Variants in PLIN4 observed in about 807,000 individuals in gnomAD.
The protein encoded by PLIN4 is perilipin-4.
PLIN4 carries 57 observed loss-of-function variants against 52.4 expected under a neutral mutation model. The ratio of observed to expected loss-of-function variants is 1.09; its 90% CI spans 0.88 to 1.36. The LOEUF (loss-of-function observed/expected upper bound fraction) is 1.36, where lower values mean the gene tolerates loss of function less well. Ranked by LOEUF, PLIN4 falls within the 40% of genes most tolerant of loss-of-function variation. The probability of loss-of-function intolerance (pLI) is 0.00; values close to 1 mark genes in which losing one functional copy is unlikely to be tolerated. For synonymous variants in PLIN4, 826 were observed against 785.4 expected (o/e 1.05, Z -0.86); for missense variants, 1,757 against 1,770.3 (o/e 0.99, Z 0.13).
chr19:4,513,834 A>C, intron 4 of PLIN4, 133 bp from the exon 5 acceptor site: 1 of 1,168,434 alleles, frequency 8.6e-7, no homozygotes, highest in Non-Finnish European at 1.2e-6. Flanking sequence ...ACCTCCTCAA[A>C]AAGCAAGCTG....
At chr19:4,509,014 A>T in intron 5 of PLIN4, 59 bp from the exon 6 acceptor site, 1 of 1,517,248 alleles carries the variant, frequency 6.6e-7, no homozygotes, top group Non-Finnish European at 8.8e-7. Context: ...AGGGCTTTAT[A>T]AAAGTCAAGT....
At position 4,504,879 on chromosome 19, in the gene PLIN4, C is replaced by T; in HGVS notation, c.3771G>A (p.Glu1257=). 1 of 1,607,178 alleles carries T rather than the reference C, an allele frequency of 6.2e-7. No individual in the cohort carries two copies. The highest frequency in any genetic ancestry group is 8.5e-7 in the Non-Finnish European group (1 of 1,177,530). The change falls in exon 7 of 8, where the codon GAG becomes GAA. Residue 1257 remains glutamate (E), a synonymous_variant. Transcript: ENST00000301286. ...GACCCACCTCCTGGACAGCAGCGTC[C>T]TCCGCACTGGCACCTGAGCCCTGGT... ...RLDQGSGASA[E]DAAVQEERDA...
chr19:4,512,149 C>G lies in PLIN4; in HGVS notation c.1811G>C (p.Gly604Ala). 6.2e-7 allele frequency: 1 copy of G among 1,609,686 alleles called. No individual in the cohort carries two copies. Among genetic ancestry groups the G allele is most frequent in the Non-Finnish European group, 8.5e-7 (1 of 1,179,028 alleles). Residue 604 changes from glycine to alanine, a missense_variant, in exon 5 of 8, where the codon GGG (glycine) becomes GCG (alanine). Gly to Ala is a moderately conservative substitution (Grantham distance 60, BLOSUM62 0). Transcript: ENST00000301286. ...GGCGACATTCACTGCCCCCACGAGCCCAGTAGTCACTGTGTCCTTGGTGCC... is the reference window on the plus strand; with the variant it reads ...GGCGACATTCACTGCCCCCACGAGCGCAGTAGTCACTGTGTCCTTGGTGCC... ...LTGTKDTVTT[G>A]LVGAVNVAKG...
chr19:4,510,701 C>A lies in PLIN4; in HGVS notation c.3259G>T (p.Ala1087Ser). ...GEQTALSPQEAPFSGISTPPD... is the reference protein window; with the variant it reads ...GEQTALSPQESPFSGISTPPD... ...GGCGTGGAGATGCCAGAGAACGGGGCCTCTTGGGGGCTCAGGGCAGTCTGC... is the reference window on the plus strand; with the variant it reads ...GGCGTGGAGATGCCAGAGAACGGGGACTCTTGGGGGCTCAGGGCAGTCTGC... Residue 1087 changes from alanine (A) to serine (S), a missense_variant, in exon 5 of 8, where the codon GCC becomes TCC. Ala to Ser is a moderately conservative substitution (Grantham distance 99, BLOSUM62 1). Transcript: ENST00000301286. The A allele has an allele frequency of 6.6e-7, 1 of 1,524,766 alleles. No individual in the cohort carries two copies. Among genetic ancestry groups the A allele is most frequent in the Admixed American group, 2.1e-5 (1 of 46,770 alleles). 94.5% of individuals were successfully genotyped at this position (1,524,766 alleles called of 1,614,324 possible). A position where few individuals can be genotyped will look rare whatever the true frequency, so the allele number is the denominator to read the frequency against.
Position 4,512,233 on chromosome 19 carries a change from G to T in PLIN4, c.1727C>A (p.Ala576Glu). 1 of 1,611,488 alleles carries T rather than the reference G, an allele frequency of 6.2e-7. No homozygotes were observed. The highest frequency in any genetic ancestry group is 8.5e-7 in the Non-Finnish European group (1 of 1,179,428). The change falls in exon 5 of 8, where the codon GCG becomes GAG. Residue 576 changes from alanine to glutamate, a missense_variant. Transcript: ENST00000301286. ...CTGGACAGCCCCCTTGGCCACATTCGCTGCCCCCGTGAGCCCAGTGGACAT... is the reference window on the plus strand; with the variant it reads ...CTGGACAGCCCCCTTGGCCACATTCTCTGCCCCCGTGAGCCCAGTGGACAT... ...DTMSTGLTGAANVAKGAVQTG... is the reference protein window; with the variant it reads ...DTMSTGLTGAENVAKGAVQTG...
chr19:4,508,752 AG>A lies in PLIN4; in HGVS notation c.3702+15del. On this transcript the variant is annotated intron_variant, in intron 6 of 7. Coordinates refer to ENST00000301286, the MANE Select transcript of PLIN4 (RefSeq NM_001367868.2). ...AGTGCCCTGGGGACGGGGCAGCAGCAGGGGGAAGCTCTTACCAGCCTGAAGC... is the reference window on the plus strand; with the variant it reads ...AGTGCCCTGGGGACGGGGCAGCAGCAGGGGAAGCTCTTACCAGCCTGAAGC... 6.4e-7 allele frequency: 1 copy of A among 1,563,508 alleles called. No individual in the cohort carries two copies. The highest frequency in any genetic ancestry group is 8.7e-7 in the Non-Finnish European group (1 of 1,154,484).
Position 4,504,239 on chromosome 19 carries a change from G to T in PLIN4, c.*220C>A. 2.0e-6 allele frequency: 1 copy of T among 489,284 alleles called. No homozygotes were observed. Among genetic ancestry groups the T allele is most frequent in the South Asian group, 4.2e-5 (1 of 23,718 alleles). The allele number at this position is 489,284 out of a possible 1,614,324, so 30.3% of individuals were successfully genotyped here. ...TCCGAGAGGGGCAGGCAGCGCTGGG[G>T]AGGAGGTGGGAGATGCAGGCAGGCC... On this transcript the variant is annotated 3_prime_UTR_variant, in exon 8 of 8. Coordinates refer to ENST00000301286, the MANE Select transcript of PLIN4 (RefSeq NM_001367868.2).
rs73540169 is a variant in PLIN4, at chr19:4,510,926, C to T, written c.3034G>A (p.Val1012Ile). 8,838 of 1,613,578 alleles carry T rather than the reference C, an allele frequency of 5.5e-3. 345 individuals carry two copies. The African/African-American group carries it at 0.096, about 18-fold the overall frequency. Residue 1012 changes from valine to isoleucine, a missense_variant, in exon 5 of 8, where the codon GTC becomes ATC. Val to Ile is a conservative substitution (Grantham distance 29). This residue lies in a region of PLIN4 where 712 missense variants were observed against 637.1 expected (regional missense o/e 1.12). Coordinates refer to ENST00000301286, the MANE Select transcript of PLIN4 (RefSeq NM_001367868.2). Reference protein sequence around the residue: ...TGAMSMAKGAVQGGLDTTKTV... With the variant: ...TGAMSMAKGAIQGGLDTTKTV... ...TTGGTGGTGTCCAGGCCCCCCTGGA[C>T]GGCCCCTTTGGCCATGCTCATGGCA...
rs199719876 is a variant in PLIN4, at chr19:4,513,636, G to A, written c.324C>T (p.Ser108=). 198 of 1,608,934 alleles carry A rather than the reference G, an allele frequency of 1.2e-4. 2 individuals are homozygous for A. The highest frequency in any genetic ancestry group is 5.0e-4 in the Middle Eastern group (3 of 6,040). Residue 108 remains serine (S), a synonymous_variant, in exon 5 of 8, where the codon TCC becomes TCT. Transcript: ENST00000301286. ...KMSRAKDAVS[S]GVASVVDVAK... ...CCACGTCCACCACGCTGGCCACCCC[G>A]GAGGACACGGCATCCTTGGCCCTGG...
Position 4,502,477 on chromosome 19 carries a change from A to G in PLIN4, c.*1982T>C. 3.5e-6 allele frequency: 1 copy of G among 285,076 alleles called. No individual in the cohort carries two copies. Among genetic ancestry groups the G allele is most frequent in the Non-Finnish European group, 6.7e-6 (1 of 149,958 alleles). 17.7% of individuals were successfully genotyped at this position (285,076 alleles called of 1,614,324 possible). On this transcript the variant is annotated 3_prime_UTR_variant, in exon 8 of 8. Transcript: ENST00000301286. ...GCCTGCGCCCTGCCCCGCACCCACG[A>G]GGCTGGGGGGTTTGATGCTTCCTGC...
At position 4,508,869 on chromosome 19, in the gene PLIN4, TG is replaced by T. The variant is rs1396159716; in HGVS notation, c.3600del (p.Ser1201AlafsTer11). 6.2e-7 allele frequency: 1 copy of T among 1,613,046 alleles called. No individual in the cohort carries two copies. The highest frequency in any genetic ancestry group is 1.1e-5 in the South Asian group (1 of 91,000). On this transcript the variant is annotated frameshift_variant, in exon 6 of 8. Coordinates refer to ENST00000301286, the MANE Select transcript of PLIN4 (RefSeq NM_001367868.2). LOFTEE classifies it high-confidence loss of function. Reference protein sequence around the residue: ...SYFVRLGDLGPSFRQRAFEHA... With the variant: ...SYFVRLGDLGXSFRQRAFEHA... ...TGTTCAAATGCCCGCTGGCGGAAGC[TG>T]GGACCCAGGTCACCTAAACGAACGA... is the stretch of plus-strand genomic sequence containing the variant.
Position 4,504,501 on chromosome 19 carries a change from G to A in PLIN4, c.4074C>T (p.Ser1358=), listed in dbSNP as rs1390430596. ...GCAAGGCGAAGGGCCCTACCAGCCA[G>A]CTGAGCGGGGGATTGTGCTGTAGGC... The part of the protein sequence containing the change: ...LEGLQHNPPL[S]WLVGPFALPA... The change falls in exon 8 of 8, where the codon AGC becomes AGT. Residue 1358 remains serine, a synonymous_variant. Transcript: ENST00000301286. 1 of 1,599,046 alleles carries A rather than the reference G, an allele frequency of 6.3e-7. No homozygotes were observed. The highest frequency in any genetic ancestry group is 8.5e-7 in the Non-Finnish European group (1 of 1,171,876).
In PLIN4 at chr19:4,504,614, A is replaced by G; in HGVS notation, c.3961T>C (p.Ser1321Pro). Residue 1321 changes from serine to proline, a missense_variant, in exon 8 of 8, where the codon TCT becomes CCT. Around this residue, in one of 7 missense-constraint regions of PLIN4, gnomAD observed 712 missense variants for 637.1 expected, o/e 1.12. Transcript: ENST00000301286. ...ELYGIVASAG[S>P]VEELPAERLV... is the part of the protein sequence containing the mutation. ...CGCTCTGCGGGCAGCTCCTCTACAGAGCCAGCTGAGGCCACGATGCCATAG... is the reference window on the plus strand; with the variant it reads ...CGCTCTGCGGGCAGCTCCTCTACAGGGCCAGCTGAGGCCACGATGCCATAG... 2 of 1,604,058 alleles carry G rather than the reference A, an allele frequency of 1.2e-6. No homozygotes were observed.
rs747044802 is a variant in PLIN4, at chr19:4,504,516, G to T, written c.4059C>A (p.His1353Gln). Residue 1353 changes from histidine to glutamine, a missense_variant, in exon 8 of 8, where the codon CAC becomes CAA. Coordinates refer to ENST00000301286, the MANE Select transcript of PLIN4 (RefSeq NM_001367868.2). ...CTACCAGCCAGCTGAGCGGGGGATT[G>T]TGCTGTAGGCCCTCCAGCAGCTGCT... ...GLEQLLEGLQHNPPLSWLVGP... is the reference protein window; with the variant it reads ...GLEQLLEGLQQNPPLSWLVGP... The T allele has an allele frequency of 6.2e-7, 1 of 1,603,910 alleles. No homozygotes were observed. Among genetic ancestry groups the T allele is most frequent in the South Asian group, 1.1e-5 (1 of 90,490 alleles).
At chr19:4,510,104 A>C (rs1281685851) in intron 5 of PLIN4, among the ~76,000 whole-genome samples, 1 of 152,034 alleles carries the variant, frequency 6.6e-6, no homozygotes, top group Non-Finnish European at 1.5e-5. Flanking sequence ...GTGGTGGCTC[A>C]CGCCTGCAAT....
Position 4,503,044 on chromosome 19 carries a change from CTCCTGACCCGTCCCCTCTCACGG to C in PLIN4, c.*1392_*1414del, listed in dbSNP as rs1975972082. On this transcript the variant is annotated 3_prime_UTR_variant, in exon 8 of 8. Coordinates refer to ENST00000301286, the MANE Select transcript of PLIN4 (RefSeq NM_001367868.2). Reference sequence around the variant, plus strand: ...GGGCTGAGGAGAAGGCTTGGGAAGGCTCCTGACCCGTCCCCTCTCACGGCCCGTCACCTGAGGCAGTCCTTGCC... The same window carrying C: ...GGGCTGAGGAGAAGGCTTGGGAAGGCCCCGTCACCTGAGGCAGTCCTTGCC... 1 of 152,300 alleles carries C rather than the reference CTCCTGACCCGTCCCCTCTCACGG, an allele frequency of 6.6e-6. No individual in the cohort carries two copies. The highest frequency in any genetic ancestry group is 2.4e-5 in the African/African-American group (1 of 41,434). The allele number at this position is 152,300 out of a possible 1,614,324, so 9.4% of individuals were successfully genotyped here.
chr19:4,505,012 T>TC lies in PLIN4; in HGVS notation c.3703-66dup, dbSNP rs1216372754. The TC allele has an allele frequency of 1.8e-5, 25 of 1,423,548 alleles. No homozygotes were observed. In the East Asian group the frequency reaches 5.7e-4, roughly 33 times the overall value. 88.2% of individuals were successfully genotyped at this position (1,423,548 alleles called of 1,614,324 possible). ...CAAATGACCTTTCACAACCCCCACC[T>TC]CCCCCTCCCCCAGGGACCTGGGCAC... is the stretch of plus-strand genomic sequence containing the variant. On this transcript the variant is annotated intron_variant, in intron 6 of 7. Transcript: ENST00000301286.
At position 4,518,233 on chromosome 19, in the gene PLIN4, G is replaced by A; in HGVS notation, c.40C>T (p.Pro14Ser). The A allele has an allele frequency of 8.1e-7, 1 of 1,233,126 alleles. No individual in the cohort carries two copies. Among genetic ancestry groups the A allele is most frequent in the East Asian group, 3.2e-5 (1 of 31,710 alleles). 76.4% of individuals were successfully genotyped at this position (1,233,126 alleles called of 1,614,324 possible). A position where few individuals can be genotyped will look rare whatever the true frequency, so the allele number is the denominator to read the frequency against. Residue 14 changes from proline (P) to serine (S), a missense_variant, in exon 2 of 8, where the codon CCG becomes TCG. Physicochemically the swap from Pro to Ser is moderately conservative, Grantham distance 74. Around this residue, in one of 7 missense-constraint regions of PLIN4, gnomAD observed 332 missense variants for 310.8 expected, o/e 1.07. Coordinates refer to ENST00000301286, the MANE Select transcript of PLIN4 (RefSeq NM_001367868.2). ...PDEGRRDPPK[P>S]KGKTLGSFFG... The stretch of plus-strand genomic sequence containing the variant: ...TTTCCCCTCTTTACCTTGCCCTTCG[G>A]TTTGGGGGGATCCCGTCTCCCTTCG...
At chr19:4,515,489 A>G (rs770761881) in intron 4 of PLIN4, among the ~76,000 whole-genome samples, 3 of 152,028 alleles carry the variant, frequency 2.0e-5, no homozygotes, top group African/African-American at 4.8e-5. Flanking sequence ...GGCTGGTCTC[A>G]AACTCCTGAG....
Sources: allele counts gnomAD v4.1 joint callset (sites outside exome capture counted in the v4.1 genomes callset), GRCh38; gene constraint gnomAD v4.1.1; regional missense constraint gnomAD v4.1.1; transcripts MANE v1.5; gene names NCBI Gene and HGNC (gene_info 2026-07-23, HGNC 2026-07-21).